Variants in SPEG observed in about 807,000 individuals in gnomAD.
SPEG encodes the protein striated muscle enriched protein kinase, also known as striated muscle preferentially expressed protein kinase.
Under a neutral mutation model 300.4 loss-of-function variants are expected in SPEG, and 114 were observed. The observed-to-expected ratio is 0.38, with a 90% CI of 0.33 to 0.44. The LOEUF is 0.44. Among genes scored for constraint, SPEG ranks in the 20% least tolerant of loss-of-function variants. The pLI is 1.00. For missense variants in SPEG, 4,201 were observed against 4,586.2 expected (o/e 0.92, Z 2.43); for synonymous variants, 1,964 against 2,018.9 (o/e 0.97, Z 0.73).
At chr2:219,440,944 C>T (rs1954846555) in intron 1 of SPEG, among the ~76,000 whole-genome samples, 1 of 152,218 alleles carries the variant, frequency 6.6e-6, no homozygotes, top group Non-Finnish European at 1.5e-5. Context: ...TTCCCATCTC[C>T]AGGACACATG....
chr2:219,435,839 C>T (rs1426309228), intron 1 of SPEG, among the ~76,000 whole-genome samples: 1 of 152,214 alleles, frequency 6.6e-6, no homozygotes, highest in East Asian at 1.9e-4. Context: ...TCCCTGCAGG[C>T]CATTGCCGTG....
Position 219,448,329 on chromosome 2 carries a change from C to A in SPEG, c.1171C>A (p.Pro391Thr). The A allele has an allele frequency of 6.2e-7, 1 of 1,602,162 alleles. No homozygotes were observed. Among genetic ancestry groups the A allele is most frequent in the African/African-American group, 1.3e-5 (1 of 74,446 alleles). The change falls in exon 4 of 41, where the codon CCT becomes ACT. Residue 391 changes from proline to threonine, a missense_variant. Physicochemically the swap from Pro to Thr is conservative, Grantham distance 38 (BLOSUM62 -1). Around this residue, in one of 4 missense-constraint regions of SPEG, gnomAD observed 1,258 missense variants for 1,293.9 expected, o/e 0.97. Transcript: ENST00000312358. ...CCGCCTGTCGGCGTTGGGCCGATCG[C>A]CTAGGCTGGTGCGCGCCGGCTCCCG... ...SGRLSALGRS[P>T]RLVRAGSRIL... is the part of the protein sequence containing the mutation.
intron 6 of SPEG, among the ~76,000 whole-genome samples, chr2:219,460,026 C>T (rs1051712044): frequency 3.3e-5 from 5 of 152,228 alleles, no homozygotes; most frequent in African/African-American, 1.2e-4. Context: ...CTTTCCCCAT[C>T]CCAGATACAA....
chr2:219,465,850 T>C (rs954897026), intron 9 of SPEG: 107 of 607,738 alleles, frequency 1.8e-4, no homozygotes, highest in South Asian at 1.5e-3. Context: ...TGTGCATGCA[T>C]GTGTGTGCAT....
At chr2:219,454,260 G>A (rs1174456117) in intron 6 of SPEG, among the ~76,000 whole-genome samples, 4 of 152,170 alleles carry the variant, frequency 2.6e-5, no homozygotes, top group Non-Finnish European at 5.9e-5. Context: ...TTAGGGGCAG[G>A]GTCTGTGCGG....
At chr2:219,462,883 A>G (rs1460831731) in intron 8 of SPEG, among the ~76,000 whole-genome samples, 1 of 152,136 alleles carries the variant, frequency 6.6e-6, no homozygotes, top group Non-Finnish European at 1.5e-5. Flanking sequence ...ACACCATTGC[A>G]CTCCAGCCTG....
At position 219,489,614 on chromosome 2, in the gene SPEG, C is replaced by A; in HGVS notation, c.8596C>A (p.His2866Asn). The A allele has an allele frequency of 6.2e-7, 1 of 1,613,878 alleles. No individual in the cohort carries two copies. The highest frequency in any genetic ancestry group is 8.5e-7 in the Non-Finnish European group (1 of 1,179,990). ...AGCGGAGCCCACCCTACCCAGTACC[C>A]ACGTCACCCCAAGTGAGCCCAAGCC... ...RPAEPTLPSTHVTPSEPKPFV... is the reference protein window; with the variant it reads ...RPAEPTLPSTNVTPSEPKPFV... Residue 2866 changes from histidine (H) to asparagine (N), a missense_variant, in exon 36 of 41, where the codon CAC (histidine) becomes AAC (asparagine). Transcript: ENST00000312358.
chr2:219,483,686 C>T lies in SPEG; in HGVS notation c.6223C>T (p.Leu2075=). 1 of 1,534,198 alleles carries T rather than the reference C, an allele frequency of 6.5e-7. No individual in the cohort carries two copies. The highest frequency in any genetic ancestry group is 8.7e-7 in the Non-Finnish European group (1 of 1,146,846). The part of the protein sequence containing the change: ...QRLQALRQRL[L]RGGPEDGKVS... ...GCTGCAGGCCCTGCGCCAGCGGCTG[C>T]TGCGGGGAGGCCCCGAGGATGGCAA... The change falls in exon 30 of 41, where the codon CTG becomes TTG. Residue 2075 remains leucine (L), a synonymous_variant. Transcript: ENST00000312358.
chr2:219,444,060 G>A lies in SPEG; in HGVS notation c.389-593G>A. ...CGCTCCTGCAGAAAGCAAAGTTACG[G>A]TAGGAAACTGGCTCCTGCTCTAGCC... On this transcript the variant is annotated intron_variant, in intron 1 of 40. Transcript: ENST00000312358. The surrounding 1 kb of genome is among the most constrained non-coding windows in gnomAD (Gnocchi z 7.8). The A allele has an allele frequency of 7.3e-7, 1 of 1,365,346 alleles. No individual in the cohort carries two copies. Among genetic ancestry groups the A allele is most frequent in the Non-Finnish European group, 9.8e-7 (1 of 1,021,430 alleles). The allele number at this position is 1,365,346 out of a possible 1,614,324, so 84.6% of individuals were successfully genotyped here.
chr2:219,455,221 A>G (rs1305258690), intron 6 of SPEG, among the ~76,000 whole-genome samples: 1 of 152,190 alleles, frequency 6.6e-6, no homozygotes, highest in African/African-American at 2.4e-5. Context: ...GGTAGGTTCT[A>G]TTATTATGCC....
rs756040120 is a variant in SPEG at position 219,464,860 on chromosome 2, C to T, written c.2881+252C>T. Reference sequence around the variant, plus strand: ...CACCACCTTCCCTGTTGCTCCATCACGGAGCCCTGGCGGCAGCCAGAGACC... The same window carrying T: ...CACCACCTTCCCTGTTGCTCCATCATGGAGCCCTGGCGGCAGCCAGAGACC... On this transcript the variant is annotated intron_variant, in intron 9 of 40. Coordinates refer to ENST00000312358, the MANE Select transcript of SPEG (RefSeq NM_005876.5). This position sits in a 1 kb window ranked among gnomAD's most constrained non-coding sequence, Gnocchi z 4.5. 1.2e-4 allele frequency: 59 copies of T among 476,480 alleles called. No homozygotes were observed. Among genetic ancestry groups the T allele is most frequent in the Admixed American group, 9.0e-4 (24 of 26,696 alleles). 29.5% of individuals were successfully genotyped at this position (476,480 alleles called of 1,614,324 possible).
intron 1 of SPEG, among the ~76,000 whole-genome samples, chr2:219,440,323 G>A (rs1355028301): frequency 6.6e-6 from 1 of 152,120 alleles, no homozygotes; most frequent in African/African-American, 2.4e-5. Flanking sequence ...AGGTGGTCAA[G>A]GTTGCAGTGA....
chr2:219,463,371 G>T (rs1249017268), intron 8 of SPEG, among the ~76,000 whole-genome samples: 1 of 90,022 alleles, frequency 1.1e-5, no homozygotes, highest in Non-Finnish European at 2.2e-5. Flanking sequence ...ATTTTTAATT[G>T]ATTGTCTGGT....
chr2:219,468,956 C>G lies in SPEG; in HGVS notation c.3399C>G (p.Leu1133=). 6.2e-7 allele frequency: 1 copy of G among 1,614,014 alleles called. No individual in the cohort carries two copies. The highest frequency in any genetic ancestry group is 8.5e-7 in the Non-Finnish European group (1 of 1,180,004). The stretch of plus-strand genomic sequence containing the variant: ...ATGTGGGCAGCGAGGACGAGGGGCT[C>G]TATGCGGTCAGTGCTGTTAACACCC... ...IAHVGSEDEG[L]YAVSAVNTHG... is the part of the protein sequence containing the mutation. The change falls in exon 12 of 41, where the codon CTC becomes CTG. Residue 1133 remains leucine (L), a synonymous_variant. Coordinates refer to ENST00000312358, the MANE Select transcript of SPEG (RefSeq NM_005876.5).
Position 219,448,672 on chromosome 2 carries a change from C to A in SPEG, c.1514C>A (p.Thr505Lys). 1 of 1,492,436 alleles carries A rather than the reference C, an allele frequency of 6.7e-7. No homozygotes were observed. The highest frequency in any genetic ancestry group is 8.9e-7 in the Non-Finnish European group (1 of 1,129,228). The allele number at this position is 1,492,436 out of a possible 1,614,324, so 92.4% of individuals were successfully genotyped here. A position where few individuals can be genotyped will look rare whatever the true frequency, so the allele number is the denominator to read the frequency against. ...GAGCTGGGCCGCATCCGCCGCTCCA[C>A]GTCGCGGGAGGAGCTGGTGCGCTCG... ...AQELGRIRRS[T>K]SREELVRSHE... The change falls in exon 4 of 41, where the codon ACG (threonine) becomes AAG (lysine). Residue 505 changes from threonine (T) to lysine (K), a missense_variant. By Grantham distance (78) the Thr-to-Lys change is moderately conservative (BLOSUM62 -1). Around this residue, in one of 4 missense-constraint regions of SPEG, gnomAD observed 1,258 missense variants for 1,293.9 expected, o/e 0.97. Coordinates refer to ENST00000312358, the MANE Select transcript of SPEG (RefSeq NM_005876.5).
At chr2:219,469,646 A>G (rs948121134) in intron 13 of SPEG, among the ~76,000 whole-genome samples, 1 of 152,178 alleles carries the variant, frequency 6.6e-6, no homozygotes, top group Non-Finnish European at 1.5e-5. Context: ...CATCGGGCCC[A>G]TGAGCAAGTT....
At chr2:219,463,733 G>GTT (rs1467756592) in intron 8 of SPEG, among the ~76,000 whole-genome samples, 1 of 151,152 alleles carries the variant, frequency 6.6e-6, no homozygotes. Context: ...TTTTAACATT[G>GTT]TAAGTTTTTT....
chr2:219,456,381 TG>T (rs1332936749), intron 6 of SPEG, among the ~76,000 whole-genome samples: 1 of 152,206 alleles, frequency 6.6e-6, no homozygotes, highest in Non-Finnish European at 1.5e-5. Context: ...CAGTCCTCGA[TG>T]GGGGTTTGGA....
rs368250543 is a variant in SPEG, at chr2:219,488,788, A to G, written c.8037A>G (p.Gly2679=). The change falls in exon 34 of 41, where the codon GGA becomes GGG. Residue 2679 remains glycine (G), a synonymous_variant. Transcript: ENST00000312358. Reference sequence around the variant, plus strand: ...TCTTTCTCTTGCCAGGAGTCCCAGGAAAGCTAGCTCCTCCAGAGGTACCCC... The same window carrying G: ...TCTTTCTCTTGCCAGGAGTCCCAGGGAAGCTAGCTCCTCCAGAGGTACCCC... The part of the protein sequence containing the change: ...SCTVAVARVP[G]KLAPPEVPQT... 4 of 1,604,464 alleles carry G rather than the reference A, an allele frequency of 2.5e-6. No homozygotes were observed. The highest frequency in any genetic ancestry group is 1.7e-6 in the Non-Finnish European group (2 of 1,174,818).
Sources: allele counts gnomAD v4.1 joint callset (sites outside exome capture counted in the v4.1 genomes callset), GRCh38; gene constraint gnomAD v4.1.1; regional missense constraint gnomAD v4.1.1; non-coding constraint Gnocchi (gnomAD v3.1); transcripts MANE v1.5; gene names NCBI Gene and HGNC (gene_info 2026-07-23, HGNC 2026-07-21).